Variants in SLC38A9 observed in about 807,000 individuals in gnomAD.
SLC38A9 encodes solute carrier family 38 member 9, also known as neutral amino acid transporter 9.
In SLC38A9, 48 loss-of-function variants were observed where a neutral mutation model predicts 62.3. The observed-to-expected ratio is 0.77, with a 90% CI of 0.61 to 0.98. The LOEUF (loss-of-function observed/expected upper bound fraction) is 0.98, where lower values mean the gene tolerates loss of function less well. Among genes scored for constraint, SLC38A9 ranks in the 50% least tolerant of loss-of-function variants. The pLI is 0.00. For synonymous variants in SLC38A9, 204 were observed against 227.7 expected, an observed-to-expected ratio of 0.90 and a Z score of 0.94; for missense variants, 541 against 679.8, an observed-to-expected ratio of 0.80 and a Z score of 2.27.
chr5:55,675,077 TATC>T lies in SLC38A9; in HGVS notation c.114-2385_114-2383del, dbSNP rs547994864. Among the ~76,000 whole-genome samples, 13 of 152,318 alleles carry T rather than the reference TATC, an allele frequency of 8.5e-5. No homozygotes were observed. The South Asian group carries it at 2.3e-3, about 27-fold the overall frequency. Reference sequence around the variant, plus strand: ...TGGATTACCAAAAGAGACTGATAAATATCATACTGATAGAAAGAGATGTAGATG... The same window carrying T: ...TGGATTACCAAAAGAGACTGATAAATATACTGATAGAAAGAGATGTAGATG... On this transcript the variant is annotated intron_variant, in intron 3 of 15. Transcript: ENST00000396865.
chr5:55,669,997 C>G, intron 4 of SLC38A9, 118 bp from the exon 5 acceptor site: 3 of 922,758 alleles, frequency 3.3e-6, no homozygotes, highest in African/African-American at 1.7e-5. Flanking sequence ...CGGAGTCTCG[C>G]CCTGTCGCCC....
At chr5:55,653,048 C>T (rs948132179) in intron 9 of SLC38A9, among the ~76,000 whole-genome samples, 1 of 152,130 alleles carries the variant, frequency 6.6e-6, no homozygotes, top group Admixed American at 6.6e-5. Flanking sequence ...CTCACTGCAA[C>T]CTCCGCCTCC....
chr5:55,667,191 T>TA (rs1750619601), intron 7 of SLC38A9, among the ~76,000 whole-genome samples: 1 of 151,978 alleles, frequency 6.6e-6, no homozygotes, highest in Non-Finnish European at 1.5e-5. Flanking sequence ...ACTGATAATA[T>TA]AATTCTAAGT....
At chr5:55,688,293 T>C (rs142289130) in intron 3 of SLC38A9, among the ~76,000 whole-genome samples, 2 of 152,260 alleles carry the variant, frequency 1.3e-5, no homozygotes, top group African/African-American at 2.4e-5. Context: ...TCCAATACTA[T>C]GTTGAATAGG....
At chr5:55,645,065 C>T (rs895159323) in intron 12 of SLC38A9, among the ~76,000 whole-genome samples, 3 of 151,984 alleles carry the variant, frequency 2.0e-5, no homozygotes, top group Non-Finnish European at 2.9e-5. Flanking sequence ...TTTTATCAGC[C>T]GCATTTATTT....
chr5:55,687,271 C>CA (rs1403315883), intron 3 of SLC38A9, among the ~76,000 whole-genome samples: 3 of 150,204 alleles, frequency 2.0e-5, no homozygotes, highest in Admixed American at 1.3e-4. Flanking sequence ...ACTAAAAATA[C>CA]AAAAAATTAG....
intron 3 of SLC38A9, among the ~76,000 whole-genome samples, chr5:55,684,856 G>A (rs1753531365): frequency 6.6e-6 from 1 of 152,148 alleles, no homozygotes; most frequent in Non-Finnish European, 1.5e-5. Context: ...GTTTCACCAT[G>A]TTGGCCAGGC....
chr5:55,667,711 TTCTTTTTATTATTTTTA>T (rs1432039088), intron 7 of SLC38A9, among the ~76,000 whole-genome samples: 1 of 152,024 alleles, frequency 6.6e-6, no homozygotes, highest in East Asian at 1.9e-4. Context: ...GTGGAAGTTC[TTCTTTTTATTATTTTTA>T]TTTTATTTTA....
chr5:55,685,617 C>T (rs7713325), intron 3 of SLC38A9, among the ~76,000 whole-genome samples: 91,183 of 151,964 alleles, frequency 0.6, 27,931 homozygotes, highest in South Asian at 0.7. Context: ...TCAAAAATGG[C>T]TGTACATTTT....
intron 8 of SLC38A9, among the ~76,000 whole-genome samples, chr5:55,659,315 TTACA>T (rs920978055): frequency 2.0e-5 from 3 of 151,148 alleles, no homozygotes; most frequent in African/African-American, 7.3e-5. Flanking sequence ...GTATATATAA[TTACA>T]TACGTATATA....
At chr5:55,672,855 A>G (rs1751533447) in intron 3 of SLC38A9, 160 bp from the exon 4 acceptor site, 1 of 624,688 alleles carries the variant, frequency 1.6e-6, no homozygotes, top group Non-Finnish European at 2.7e-6. Context: ...TTACAAAAGA[A>G]GTATTATCCT....
intron 3 of SLC38A9, among the ~76,000 whole-genome samples, chr5:55,677,504 A>G (rs1388658493): frequency 1.3e-5 from 2 of 151,804 alleles, no homozygotes; most frequent in Non-Finnish European, 1.5e-5. Context: ...CAGCTCCTTC[A>G]CTCTGTACAG....
At chr5:55,635,464 T>A in intron 13 of SLC38A9, 80 bp downstream of exon 13, 1 of 1,010,646 alleles carries the variant, frequency 9.9e-7, no homozygotes, top group South Asian at 1.3e-5. Context: ...TGATGTTATA[T>A]CTTGCCACTG....
intron 3 of SLC38A9, among the ~76,000 whole-genome samples, chr5:55,685,530 G>C (rs754140906): frequency 8.5e-5 from 13 of 152,132 alleles, no homozygotes; most frequent in Non-Finnish European, 1.8e-4. Flanking sequence ...TAATTCTCTG[G>C]ATAGATACCT....
At position 55,669,537 on chromosome 5, in the gene SLC38A9, T is replaced by C; in HGVS notation, c.432+20A>G. Reference sequence around the variant, plus strand: ...GAGAAAAACATTTAGGCAAAAAGTGTGCTGAAAAATTAGTATTACCTGTTT... The same window carrying C: ...GAGAAAAACATTTAGGCAAAAAGTGCGCTGAAAAATTAGTATTACCTGTTT... On this transcript the variant is annotated intron_variant, in intron 6 of 15. Transcript: ENST00000396865. 2 of 1,587,750 alleles carry C rather than the reference T, an allele frequency of 1.3e-6. No homozygotes were observed. Among genetic ancestry groups the C allele is most frequent in the South Asian group, 1.2e-5 (1 of 85,868 alleles).
At chr5:55,660,023 C>G (rs1411003200) in intron 8 of SLC38A9, among the ~76,000 whole-genome samples, 2 of 151,604 alleles carry the variant, frequency 1.3e-5, no homozygotes, top group Non-Finnish European at 2.9e-5. Context: ...GCCTTGGCCT[C>G]CCAAAGTGCT....
Position 55,626,317 on chromosome 5 carries a change from CT to C in SLC38A9, c.*176del. Reference sequence around the variant, plus strand: ...GACACTAAGATCATTCTTTTTGCCCCTTTCCCCACCCCAATAAAAAAATACT... The same window carrying C: ...GACACTAAGATCATTCTTTTTGCCCCTTCCCCACCCCAATAAAAAAATACT... On this transcript the variant is annotated 3_prime_UTR_variant, in exon 16 of 16. Coordinates refer to ENST00000396865, the MANE Select transcript of SLC38A9 (RefSeq NM_173514.4). 1 of 548,110 alleles carries C rather than the reference CT, an allele frequency of 1.8e-6. No individual in the cohort carries two copies. Among genetic ancestry groups the C allele is most frequent in the Non-Finnish European group, 3.2e-6 (1 of 315,726 alleles). 34.0% of individuals were successfully genotyped at this position (548,110 alleles called of 1,614,324 possible).
intron 2 of SLC38A9, chr5:55,702,700 C>A (rs978859356): frequency 9.9e-5 from 15 of 151,386 alleles, no homozygotes; most frequent in African/African-American, 3.2e-4. Context: ...AAAAATTTTT[C>A]TTCAGTCATG....
intron 12 of SLC38A9, among the ~76,000 whole-genome samples, chr5:55,636,865 C>T (rs553623140): frequency 7.2e-5 from 11 of 152,246 alleles, no homozygotes; most frequent in East Asian, 1.9e-4. Context: ...TCTCAAAATG[C>T]GTCTAATTGC....
Sources: gnomAD v4.1 joint callset for allele counts (sites outside exome capture counted in the v4.1 genomes callset) on GRCh38, gnomAD v4.1.1 for gene constraint, MANE v1.5 for transcripts, NCBI Gene and HGNC (gene_info 2026-07-23, HGNC 2026-07-21) for gene names.